SLC6A18: variants seen among roughly 807,000 people sequenced by gnomAD.
SLC6A18 encodes the protein inactive sodium-dependent neutral amino acid transporter B(0)AT3.
A neutral mutation model predicts 62.9 loss-of-function variants in SLC6A18; 58 were observed. The ratio of observed to expected loss-of-function variants is 0.92; its 90% CI spans 0.75 to 1.15. The LOEUF (loss-of-function observed/expected upper bound fraction) is 1.15. Among genes scored for constraint, SLC6A18 ranks in the 50% most tolerant of loss-of-function variants. SLC6A18 has a pLI of 0.00. For synonymous variants in SLC6A18, 382 were observed against 365.8 expected (o/e 1.04, Z -0.51); for missense variants, 793 against 836.6 (o/e 0.95, Z 0.64).
At chr5:1,238,926 C>T (rs1056796767) in intron 5 of SLC6A18, among the ~76,000 whole-genome samples, 5 of 152,224 alleles carry the variant, frequency 3.3e-5, no homozygotes, top group African/African-American at 7.2e-5. Context: ...TATCCCAGAT[C>T]GCGGCACTCC....
chr5:1,229,108 A>T (rs553252302), intron 1 of SLC6A18, among the ~76,000 whole-genome samples: 2 of 152,292 alleles, frequency 1.3e-5, no homozygotes, highest in East Asian at 3.9e-4. Context: ...TTGATTTTTT[A>T]TCTACATTTA....
In SLC6A18 at chr5:1,225,532, C is replaced by G; in HGVS notation, c.55C>G (p.Pro19Ala). The stretch of plus-strand genomic sequence containing the variant: ...CGCCTGCGACCTCGGGGATGAGAGG[C>G]CCAAGTGGGACAACAAGGCCCAGTA... ...PAACDLGDER[P>A]KWDNKAQYLL... Residue 19 changes from proline (P) to alanine (A), a missense_variant, in exon 1 of 12, where the codon CCC becomes GCC. By Grantham distance (27) the Pro-to-Ala change is conservative (BLOSUM62 -1). Coordinates refer to ENST00000324642, the MANE Select transcript of SLC6A18 (RefSeq NM_182632.3). The G allele has an allele frequency of 6.2e-7, 1 of 1,613,430 alleles. No individual in the cohort carries two copies. The highest frequency in any genetic ancestry group is 1.3e-5 in the African/African-American group (1 of 75,032).
Position 1,243,495 on chromosome 5 carries a change from T to G in SLC6A18, c.1132-60T>G. The G allele has an allele frequency of 2.0e-6, 3 of 1,492,444 alleles. No individual in the cohort carries two copies. The highest frequency in any genetic ancestry group is 2.8e-6 in the Non-Finnish European group (3 of 1,085,166). The allele number at this position is 1,492,444 out of a possible 1,614,324, so 92.5% of individuals were successfully genotyped here. A position where few individuals can be genotyped will look rare whatever the true frequency, so the allele number is the denominator to read the frequency against. On this transcript the variant is annotated intron_variant, in intron 8 of 11. Coordinates refer to ENST00000324642, the MANE Select transcript of SLC6A18 (RefSeq NM_182632.3). This position sits in a 1 kb window ranked among gnomAD's most constrained non-coding sequence, Gnocchi z 6.5. The stretch of plus-strand genomic sequence containing the variant: ...AGAGTGTGTGTCCTGCAGGCAGGCG[T>G]GTGTGTGTGGTGGAGTGTGTGTGTG...
chr5:1,244,181 C>CT, intron 9 of SLC6A18, 33 bp from the exon 10 acceptor site: 10 of 1,360,384 alleles, frequency 7.4e-6, no homozygotes, highest in South Asian at 1.2e-5. Flanking sequence ...TCCCCATCCC[C>CT]TTACCCCCCA....
chr5:1,243,888 G>A lies in SLC6A18; in HGVS notation c.1336+129G>A, dbSNP rs1455513973. ...CCAAGCCTGAGTTCAGGGAAAGGCTGAGCCAGGCTACTCCTTGCTGACAGC... is the reference window on the plus strand; with the variant it reads ...CCAAGCCTGAGTTCAGGGAAAGGCTAAGCCAGGCTACTCCTTGCTGACAGC... On this transcript the variant is annotated intron_variant, in intron 9 of 11. Coordinates refer to ENST00000324642, the MANE Select transcript of SLC6A18 (RefSeq NM_182632.3). This position sits in a 1 kb window ranked among gnomAD's most constrained non-coding sequence, Gnocchi z 6.5. The A allele has an allele frequency of 2.1e-6, 2 of 947,396 alleles. No homozygotes were observed. The highest frequency in any genetic ancestry group is 1.7e-5 in the South Asian group (1 of 57,746). 58.7% of individuals were successfully genotyped at this position (947,396 alleles called of 1,614,324 possible). A position where few individuals can be genotyped will look rare whatever the true frequency, so the allele number is the denominator to read the frequency against.
chr5:1,234,324 T>C (rs925687869), intron 3 of SLC6A18, among the ~76,000 whole-genome samples: 6 of 152,220 alleles, frequency 3.9e-5, no homozygotes, highest in Non-Finnish European at 8.8e-5. Context: ...CTGGATGCCC[T>C]GGGCCAGAGC....
chr5:1,235,467 C>T lies in SLC6A18; in HGVS notation c.440-14C>T. ...CGCCCCACAGCCAGCCTGTGACAGG[C>T]CCCCTGGTTTCAGGGTTTGTGGAGG... is the stretch of plus-strand genomic sequence containing the variant. On this transcript the variant is annotated splice_polypyrimidine_tract_variant and intron_variant, in intron 3 of 11. Transcript: ENST00000324642. The T allele has an allele frequency of 3.1e-6, 5 of 1,611,106 alleles. No homozygotes were observed.
intron 1 of SLC6A18, among the ~76,000 whole-genome samples, chr5:1,228,004 C>T (rs10075578): frequency 0.012 from 1,844 of 152,290 alleles, 38 homozygotes; most frequent in African/African-American, 0.042. Flanking sequence ...GGTGTTCAAC[C>T]GACTTCTGTA....
chr5:1,232,590 G>A (rs1746761889), intron 2 of SLC6A18, among the ~76,000 whole-genome samples, 161 bp from the exon 3 acceptor site: 1 of 152,240 alleles, frequency 6.6e-6, no homozygotes, highest in Non-Finnish European at 1.5e-5. Flanking sequence ...CTGGAAGCTG[G>A]TGTTGCCATT....
chr5:1,237,907 C>A, intron 4 of SLC6A18, 43 bp from the exon 5 acceptor site: 1 of 1,493,640 alleles, frequency 6.7e-7, no homozygotes, highest in Non-Finnish European at 9.3e-7. Flanking sequence ...GTGGACAGAC[C>A]AGAGGCCATT....
chr5:1,239,407 T>A, intron 5 of SLC6A18, 43 bp from the exon 6 acceptor site: 1 of 1,463,944 alleles, frequency 6.8e-7, no homozygotes, highest in South Asian at 1.1e-5. Flanking sequence ...CCAGCTCATG[T>A]GGTTTGCCTG....
rs763918356 is a variant in SLC6A18, at chr5:1,242,686, C to G, written c.975-21C>G. The stretch of plus-strand genomic sequence containing the variant: ...TTTGGGAACCAGGGCCATGAGCCCA[C>G]AGTCCTCTCTGTCCCCGCAGAAACA... On this transcript the variant is annotated intron_variant, in intron 7 of 11. Coordinates refer to ENST00000324642, the MANE Select transcript of SLC6A18 (RefSeq NM_182632.3). 4.4e-6 allele frequency: 7 copies of G among 1,584,100 alleles called. No homozygotes were observed. The East Asian group carries it at 1.6e-4, about 36-fold the overall frequency.
rs1041083462 is a variant in SLC6A18 at position 1,246,025 on chromosome 5, G to C, written c.1834G>C (p.Asp612His). 3.1e-6 allele frequency: 5 copies of C among 1,594,426 alleles called. No homozygotes were observed. The African/African-American group carries it at 6.7e-5, about 21-fold the overall frequency. ...DARPDTDMRPDTDTRPDTDMR... is the reference protein window; with the variant it reads ...DARPDTDMRPHTDTRPDTDMR... Reference sequence around the variant, plus strand: ...GCGCCCAGACACGGACATGCGCCCGGACACGGACACGCGCCCAGACACGGA... The same window carrying C: ...GCGCCCAGACACGGACATGCGCCCGCACACGGACACGCGCCCAGACACGGA... The change falls in exon 12 of 12, where the codon GAC (aspartate) becomes CAC (histidine). Residue 612 changes from aspartate (D) to histidine (H), a missense_variant. Transcript: ENST00000324642.
At chr5:1,233,797 A>G (rs543644595) in intron 3 of SLC6A18, among the ~76,000 whole-genome samples, 9 of 149,320 alleles carry the variant, frequency 6.0e-5, no homozygotes, top group East Asian at 3.9e-4. Context: ...GCTGGAGTGC[A>G]GTGGTGCTAT....
rs996120582 is a variant in SLC6A18 at position 1,232,950 on chromosome 5, C to T, written c.439+62C>T. On this transcript the variant is annotated intron_variant, in intron 3 of 11. Transcript: ENST00000324642. Reference sequence around the variant, plus strand: ...CGGCCGAGAGAGGCATGTGCTGCAGCGTGTCCAGCATCAGAGCAGCTGCGG... The same window carrying T: ...CGGCCGAGAGAGGCATGTGCTGCAGTGTGTCCAGCATCAGAGCAGCTGCGG... 2.2e-5 allele frequency: 34 copies of T among 1,544,556 alleles called. No individual in the cohort carries two copies. The East Asian group carries it at 5.2e-4, about 24-fold the overall frequency.
intron 3 of SLC6A18, among the ~76,000 whole-genome samples, chr5:1,234,025 G>T (rs976987034): frequency 6.6e-6 from 1 of 152,178 alleles, no homozygotes; most frequent in African/African-American, 2.4e-5. Context: ...ACAGGCGTGA[G>T]CCACCGCGCC....
chr5:1,246,053 T>C lies in SLC6A18; in HGVS notation c.1862T>C (p.Met621Thr), dbSNP rs200038478. ...PDTDTRPDTDMRPDTDMR is the reference protein window; with the variant it reads ...PDTDTRPDTDTRPDTDMR ...ACGGACACGCGCCCAGACACGGACA[T>C]GCGCCCGGACACGGACATGCGCTGA... Residue 621 changes from methionine (M) to threonine (T), a missense_variant, in exon 12 of 12, where the codon ATG becomes ACG. Met to Thr is a moderately conservative substitution (Grantham distance 81). Coordinates refer to ENST00000324642, the MANE Select transcript of SLC6A18 (RefSeq NM_182632.3). The C allele has an allele frequency of 5.9e-4, 943 of 1,586,624 alleles. 3 individuals carry two copies. In the African/African-American group the frequency reaches 0.01, roughly 17 times the overall value.
rs1186715340 is a variant in SLC6A18, at chr5:1,232,126, C to T, written c.161-93C>T. ...CCCCCAACATTCAGGTCCCGTCTGCCCCTTGAAGACCACAGGTGGCTCCCC... is the reference window on the plus strand; with the variant it reads ...CCCCCAACATTCAGGTCCCGTCTGCTCCTTGAAGACCACAGGTGGCTCCCC... On this transcript the variant is annotated intron_variant, in intron 1 of 11. Coordinates refer to ENST00000324642, the MANE Select transcript of SLC6A18 (RefSeq NM_182632.3). 4 of 1,177,570 alleles carry T rather than the reference C, an allele frequency of 3.4e-6. No homozygotes were observed. In the East Asian group the frequency reaches 7.7e-5, roughly 23 times the overall value. The allele number at this position is 1,177,570 out of a possible 1,614,324, so 72.9% of individuals were successfully genotyped here. A position where few individuals can be genotyped will look rare whatever the true frequency, so the allele number is the denominator to read the frequency against.
At chr5:1,228,661 A>G (rs1746644060) in intron 1 of SLC6A18, among the ~76,000 whole-genome samples, 1 of 152,206 alleles carries the variant, frequency 6.6e-6, no homozygotes, top group Non-Finnish European at 1.5e-5. Context: ...CGTAATTGTT[A>G]AAACTAGGAG....
Sources: gnomAD v4.1 joint callset for allele counts (sites outside exome capture counted in the v4.1 genomes callset) on GRCh38, gnomAD v4.1.1 for gene constraint, Gnocchi (gnomAD v3.1) non-coding constraint, MANE v1.5 for transcripts, NCBI Gene and HGNC (gene_info 2026-07-23, HGNC 2026-07-21) for gene names.